Variants in PCMTD1 observed in about 807,000 individuals in gnomAD.
PCMTD1 encodes the protein protein-L-isoaspartate (D-aspartate) O-methyltransferase domain containing 1.
Under a neutral mutation model 37.6 loss-of-function variants are expected in PCMTD1, and 12 were observed. That is an observed-to-expected ratio of 0.32 (90% CI 0.20 to 0.52). PCMTD1 has a LOEUF of 0.52. PCMTD1 is among the 20% of genes least tolerant of loss of function. The pLI is 0.97. For missense variants in PCMTD1, 235 were observed against 421.3 expected, an observed-to-expected ratio of 0.56 and a Z score of 3.87; for synonymous variants, 117 against 135.8, an observed-to-expected ratio of 0.86 and a Z score of 0.96.
chr8:51,880,848 G>C (rs952227895), intron 1 of PCMTD1, among the ~76,000 whole-genome samples: 9 of 152,182 alleles, frequency 5.9e-5, no homozygotes, highest in Middle Eastern at 3.2e-3. Context: ...GGCAAAAGTA[G>C]CTATAGACAA....
intron 1 of PCMTD1, among the ~76,000 whole-genome samples, chr8:51,879,600 A>C (rs1234006118): frequency 6.6e-6 from 1 of 152,230 alleles, no homozygotes; most frequent in Non-Finnish European, 1.5e-5. Flanking sequence ...TCCTCAATTA[A>C]AGCTCAGTCA....
At chr8:51,871,882 A>G (rs1051229634) in intron 1 of PCMTD1, among the ~76,000 whole-genome samples, 1 of 152,154 alleles carries the variant, frequency 6.6e-6, no homozygotes, top group Non-Finnish European at 1.5e-5. Flanking sequence ...TCAATACTAC[A>G]TATAATTTTT....
chr8:51,861,968 C>T (rs1271057024), intron 1 of PCMTD1, among the ~76,000 whole-genome samples: 3 of 152,142 alleles, frequency 2.0e-5, no homozygotes, highest in Non-Finnish European at 4.4e-5. Flanking sequence ...TCCGCCCGGG[C>T]CGCACAAAGT....
chr8:51,877,064 G>A (rs1352505760), intron 1 of PCMTD1, among the ~76,000 whole-genome samples: 1 of 152,092 alleles, frequency 6.6e-6, no homozygotes, highest in African/African-American at 2.4e-5. Context: ...CACCAACATT[G>A]GGCCTGTATG....
intron 1 of PCMTD1, among the ~76,000 whole-genome samples, chr8:51,877,560 T>A (rs1585846009): frequency 6.7e-6 from 1 of 149,456 alleles, no homozygotes; most frequent in Admixed American, 6.6e-5. Flanking sequence ...TTAGTACAGG[T>A]CTTTGAATTA....
intron 3 of PCMTD1, among the ~76,000 whole-genome samples, chr8:51,841,613 T>C (rs535013771): frequency 2.6e-5 from 4 of 152,334 alleles, no homozygotes; most frequent in East Asian, 1.9e-4. Context: ...TTTGAAAGTA[T>C]TTACATGGTA....
At chr8:51,829,876 T>C (rs2037975206) in intron 5 of PCMTD1, among the ~76,000 whole-genome samples, 1 of 152,074 alleles carries the variant, frequency 6.6e-6, no homozygotes, top group South Asian at 2.1e-4. Flanking sequence ...AAAAAAAAAT[T>C]GTATCTTTCT....
chr8:51,832,715 AAAAT>A (rs1308262700), intron 4 of PCMTD1, among the ~76,000 whole-genome samples: 2 of 152,272 alleles, frequency 1.3e-5, no homozygotes, highest in East Asian at 3.8e-4. Flanking sequence ...CAAGGCTAAA[AAAAT>A]AAATTTAATA....
chr8:51,898,165 C>G (rs1403698577), intron 1 of PCMTD1, among the ~76,000 whole-genome samples: 4 of 151,802 alleles, frequency 2.6e-5, no homozygotes, highest in African/African-American at 4.8e-5. Flanking sequence ...GCAAATTCTT[C>G]TGATTTGTAA....
At chr8:51,833,170 G>A (rs2038020194) in intron 4 of PCMTD1, among the ~76,000 whole-genome samples, 1 of 152,088 alleles carries the variant, frequency 6.6e-6, no homozygotes, top group Non-Finnish European at 1.5e-5. Context: ...TATGTCCAAA[G>A]AACTGAAGAA....
At chr8:51,838,913 A>G (rs774392049) in intron 3 of PCMTD1, among the ~76,000 whole-genome samples, 12 of 152,170 alleles carry the variant, frequency 7.9e-5, no homozygotes, top group Non-Finnish European at 7.3e-5. Context: ...GACACAATAA[A>G]TGAAATCTGA....
At chr8:51,836,300 C>A (rs982298038) in intron 3 of PCMTD1, among the ~76,000 whole-genome samples, 1 of 152,086 alleles carries the variant, frequency 6.6e-6, no homozygotes, top group Non-Finnish European at 1.5e-5. Flanking sequence ...ATCTGTAATG[C>A]GCATGGGTTT....
At chr8:51,897,185 G>A (rs1259168721) in intron 1 of PCMTD1, among the ~76,000 whole-genome samples, 1 of 152,172 alleles carries the variant, frequency 6.6e-6, no homozygotes, top group African/African-American at 2.4e-5. Context: ...GATGAACACA[G>A]TACATTTTTA....
chr8:51,824,984 T>C (rs1037639298), intron 5 of PCMTD1, among the ~76,000 whole-genome samples: 1 of 152,210 alleles, frequency 6.6e-6, no homozygotes, highest in East Asian at 1.9e-4. Context: ...GAAAACTGGC[T>C]AGCCATATGC....
At chr8:51,863,330 T>C (rs2038502361) in intron 1 of PCMTD1, among the ~76,000 whole-genome samples, 2 of 152,222 alleles carry the variant, frequency 1.3e-5, no homozygotes, top group Non-Finnish European at 2.9e-5. Context: ...TTCCATTCAA[T>C]TCAAAATTAT....
intron 2 of PCMTD1, among the ~76,000 whole-genome samples, chr8:51,856,992 G>A (rs185889988): frequency 1.3e-5 from 2 of 152,308 alleles, no homozygotes; most frequent in East Asian, 3.9e-4. Context: ...CCTCATTAGA[G>A]GCAGAGCGAG....
chr8:51,855,348 C>T (rs2038371003), intron 2 of PCMTD1, among the ~76,000 whole-genome samples: 2 of 147,692 alleles, frequency 1.4e-5, no homozygotes, highest in Admixed American at 6.8e-5. Flanking sequence ...GCCAACATGG[C>T]GAAACCCCGT....
At chr8:51,845,813 C>A in intron 2 of PCMTD1, 50 bp from the exon 3 acceptor site, 1 of 1,316,552 alleles carries the variant, frequency 7.6e-7, no homozygotes, top group Non-Finnish European at 1.1e-6. Context: ...TATGCCCTTA[C>A]AGAGCTCTTT....
At chr8:51,869,852 G>C (rs1484294076) in intron 1 of PCMTD1, among the ~76,000 whole-genome samples, 1 of 152,112 alleles carries the variant, frequency 6.6e-6, no homozygotes, top group Non-Finnish European at 1.5e-5. Context: ...TGTGTGTTAG[G>C]TAAGGGCTGC....
Sources: allele counts gnomAD v4.1 joint callset (sites outside exome capture counted in the v4.1 genomes callset), GRCh38; gene constraint gnomAD v4.1.1; transcripts MANE v1.5; gene names NCBI Gene and HGNC (gene_info 2026-07-23, HGNC 2026-07-21).